GRIP1: variants seen among roughly 807,000 people sequenced by gnomAD.
The protein encoded by GRIP1 is glutamate receptor interacting protein 1.
GRIP1 carries 45 observed loss-of-function variants against 129.9 expected under a neutral mutation model. The ratio of observed to expected loss-of-function variants is 0.35; its 90% CI spans 0.27 to 0.44. GRIP1 has a LOEUF of 0.44. Ranked by LOEUF, GRIP1 falls within the 20% of genes least tolerant of loss-of-function variation. The pLI is 1.00. For missense variants in GRIP1, 1,196 were observed against 1,396.8 expected (o/e 0.86, Z 2.29); for synonymous variants, 530 against 520.8 (o/e 1.02, Z -0.24).
chr12:66,817,392 T>C (rs941608446), intron 1 of GRIP1, among the ~76,000 whole-genome samples: 3 of 152,150 alleles, frequency 2.0e-5, no homozygotes, highest in Admixed American at 2.0e-4. Flanking sequence ...TATTTGACAC[T>C]AAAACTGAAA....
At chr12:66,486,901 C>T (rs2059970642) in intron 7 of GRIP1, among the ~76,000 whole-genome samples, 1 of 152,056 alleles carries the variant, frequency 6.6e-6, no homozygotes, top group Non-Finnish European at 1.5e-5. Flanking sequence ...AGTGATCTTC[C>T]CACCTCAGCC....
intron 1 of GRIP1, among the ~76,000 whole-genome samples, chr12:67,052,297 T>C (rs2043359085): frequency 6.6e-6 from 1 of 152,218 alleles, no homozygotes; most frequent in Non-Finnish European, 1.5e-5. Flanking sequence ...ACTCACCTTC[T>C]AAAATGACCC....
intron 1 of GRIP1, among the ~76,000 whole-genome samples, chr12:66,796,673 C>T (rs2038708402): frequency 6.6e-6 from 1 of 152,132 alleles, no homozygotes; most frequent in Non-Finnish European, 1.5e-5. Context: ...GTCTTCTGTA[C>T]CACGGTATCT....
chr12:66,717,581 T>C (rs893619223), intron 1 of GRIP1, among the ~76,000 whole-genome samples: 1 of 152,168 alleles, frequency 6.6e-6, no homozygotes, highest in African/African-American at 2.4e-5. Context: ...CCAAGAAATG[T>C]ATTGCCAAAG....
intron 1 of GRIP1, among the ~76,000 whole-genome samples, chr12:66,645,454 T>A (rs1361551680): frequency 9.9e-5 from 15 of 152,194 alleles, no homozygotes; most frequent in Admixed American, 9.8e-4. Context: ...AGTATTACTA[T>A]TATTATTCTC....
At chr12:66,594,282 G>C (rs1409135252) in intron 2 of GRIP1, among the ~76,000 whole-genome samples, 1 of 151,832 alleles carries the variant, frequency 6.6e-6, no homozygotes, top group African/African-American at 2.4e-5. Context: ...TGCTACCGGG[G>C]TGTTAAAAAT....
chr12:66,523,049 C>T (rs533606127), intron 5 of GRIP1, among the ~76,000 whole-genome samples: 27,080 of 151,622 alleles, frequency 0.18, 2,634 homozygotes, highest in East Asian at 0.31. Flanking sequence ...AAATCTACGT[C>T]TGACTGGTGT....
chr12:66,471,900 A>G (rs147335913), intron 7 of GRIP1, among the ~76,000 whole-genome samples: 1 of 152,350 alleles, frequency 6.6e-6, no homozygotes, highest in African/African-American at 2.4e-5. Context: ...CTAAAGGTGG[A>G]TCCCAGGGTC....
At chr12:66,839,336 A>G (rs1310921668) in intron 1 of GRIP1, among the ~76,000 whole-genome samples, 2 of 152,186 alleles carry the variant, frequency 1.3e-5, no homozygotes, top group African/African-American at 4.8e-5. Context: ...ACAGATGCAG[A>G]TGACTCCTAT....
At chr12:66,451,383 GTTTTTTTTTTTTTTTTTT>G (rs1169331519) in intron 11 of GRIP1, among the ~76,000 whole-genome samples, 471 of 42,624 alleles carry the variant, frequency 0.011, 7 homozygotes, top group African/African-American at 0.044. Flanking sequence ...ATTATAATCT[GTTTTTTTTTTTTTTTTTT>G]TTTTTTTTTT....
chr12:67,001,513 G>A (rs751752319), intron 1 of GRIP1, among the ~76,000 whole-genome samples: 15 of 152,238 alleles, frequency 9.9e-5, no homozygotes, highest in African/African-American at 1.7e-4. Flanking sequence ...GGCTCACATC[G>A]TGTGATCCTC....
chr12:66,927,473 T>C (rs941705358), intron 1 of GRIP1, among the ~76,000 whole-genome samples: 18 of 152,190 alleles, frequency 1.2e-4, no homozygotes, highest in Admixed American at 7.9e-4. Flanking sequence ...TTATCATTCA[T>C]TTCTGTGACC....
At chr12:66,418,996 T>C (rs1201344287) in intron 15 of GRIP1, among the ~76,000 whole-genome samples, 1 of 152,318 alleles carries the variant, frequency 6.6e-6, no homozygotes, top group Non-Finnish European at 1.5e-5. Flanking sequence ...TGCACTCCTA[T>C]GTTTGCTGCA....
At chr12:66,658,386 G>C (rs1227242200) in intron 1 of GRIP1, among the ~76,000 whole-genome samples, 2 of 152,134 alleles carry the variant, frequency 1.3e-5, no homozygotes, top group Non-Finnish European at 2.9e-5. Flanking sequence ...TTGTAGTCTT[G>C]TATTCCTGTA....
intron 1 of GRIP1, among the ~76,000 whole-genome samples, chr12:67,057,078 G>C (rs1403790347): frequency 6.6e-6 from 1 of 152,038 alleles, no homozygotes; most frequent in Non-Finnish European, 1.5e-5. Context: ...GGCCTCCCTA[G>C]GTGCTGGAAT....
chr12:66,365,660 T>G (rs950407953), intron 23 of GRIP1, among the ~76,000 whole-genome samples: 4 of 152,172 alleles, frequency 2.6e-5, no homozygotes, highest in Non-Finnish European at 4.4e-5. Flanking sequence ...GGGAGAGAAT[T>G]TGCTGGTCAA....
intron 1 of GRIP1, among the ~76,000 whole-genome samples, chr12:66,825,199 C>T (rs1348130539): frequency 3.3e-5 from 5 of 152,024 alleles, no homozygotes; most frequent in African/African-American, 9.7e-5. Context: ...GTGGCCTTTC[C>T]TAACAATTCA....
intron 7 of GRIP1, among the ~76,000 whole-genome samples, chr12:66,489,013 C>G (rs779445672): frequency 2.0e-5 from 3 of 152,118 alleles, no homozygotes; most frequent in African/African-American, 4.8e-5. Flanking sequence ...CAGGACCAGA[C>G]AGATTCACAG....
chr12:67,024,900 A>G (rs1195471219), intron 1 of GRIP1, among the ~76,000 whole-genome samples: 1 of 152,216 alleles, frequency 6.6e-6, no homozygotes, highest in Non-Finnish European at 1.5e-5. Flanking sequence ...AATTTAAAGA[A>G]ATCATGAGAT....
Sources: gnomAD v4.1 joint callset for allele counts (sites outside exome capture counted in the v4.1 genomes callset) on GRCh38, gnomAD v4.1.1 for gene constraint, MANE v1.5 for transcripts, NCBI Gene and HGNC (gene_info 2026-07-23, HGNC 2026-07-21) for gene names.